Variants in IFT74 observed in about 807,000 individuals in gnomAD.
IFT74 encodes the protein intraflagellar transport protein 74 homolog.
Under a neutral mutation model 96.7 loss-of-function variants are expected in IFT74, and 92 were observed. The observed-to-expected ratio is 0.95, with a 90% CI of 0.80 to 1.13. The LOEUF (loss-of-function observed/expected upper bound fraction) is 1.13, where lower values mean the gene tolerates loss of function less well. Ranked by LOEUF, IFT74 falls within the 50% of genes most tolerant of loss-of-function variation. IFT74 has a pLI of 0.00. For synonymous variants in IFT74, 223 were observed against 213.2 expected, an observed-to-expected ratio of 1.05 and a Z score of -0.40; for missense variants, 811 against 698.2, an observed-to-expected ratio of 1.16 and a Z score of -1.82.
intron 2 of IFT74, among the ~76,000 whole-genome samples, chr9:26,971,776 C>G (rs1826890011): frequency 6.6e-6 from 1 of 151,992 alleles, no homozygotes; most frequent in Non-Finnish European, 1.5e-5. Flanking sequence ...AAGTCTTGGC[C>G]TTTACTATTA....
chr9:26,955,993 T>C (rs1445935687), upstream of IFT74: 1 of 152,228 alleles, frequency 6.6e-6, no homozygotes, highest in Non-Finnish European at 1.5e-5. Context: ...TACTTCATGA[T>C]GCGTTGTGTA....
At chr9:27,001,182 A>G (rs1019740107) in intron 8 of IFT74, among the ~76,000 whole-genome samples, 10 of 151,868 alleles carry the variant, frequency 6.6e-5, no homozygotes, top group Non-Finnish European at 4.4e-5. Context: ...TATATATGCT[A>G]CTTTTTTTTA....
At chr9:26,951,510 G>T (rs1055418801), upstream of IFT74, among the ~76,000 whole-genome samples, 4 of 152,152 alleles carry the variant, frequency 2.6e-5, no homozygotes, top group Non-Finnish European at 4.4e-5. Flanking sequence ...AATTTTACAT[G>T]TACAGATCTT....
chr9:26,978,369 G>A, intron 3 of IFT74, 106 bp downstream of exon 3: 1 of 1,093,822 alleles, frequency 9.1e-7, no homozygotes, highest in South Asian at 1.5e-5. Context: ...TGAACAATAA[G>A]TATTACAGTA....
intron 10 of IFT74, among the ~76,000 whole-genome samples, chr9:27,015,365 C>T (rs1002453894): frequency 1.3e-5 from 2 of 152,098 alleles, no homozygotes; most frequent in Non-Finnish European, 2.9e-5. Context: ...TGGCCAGGCA[C>T]AGTGGCTCAC....
intron 8 of IFT74, chr9:26,998,171 A>G (rs1174717262): frequency 1.3e-6 from 2 of 1,586,840 alleles, no homozygotes; most frequent in Admixed American, 1.7e-5. Context: ...GAGATCAAGT[A>G]TAGTAACATC....
chr9:27,012,835 GC>G (rs1829167634), intron 10 of IFT74, among the ~76,000 whole-genome samples: 1 of 146,868 alleles, frequency 6.8e-6, no homozygotes. Flanking sequence ...TCCTGCCTCA[GC>G]CTCCAGAGTA....
At chr9:26,963,090 C>T (rs1278819897) in intron 2 of IFT74, among the ~76,000 whole-genome samples, 3 of 152,076 alleles carry the variant, frequency 2.0e-5, no homozygotes, top group South Asian at 4.2e-4. Flanking sequence ...GTGTATCTCC[C>T]GATGCTATCC....
rs10967664 is a variant in IFT74, at chr9:27,016,808, G to A, written c.790-99G>A. 2,807 of 783,116 alleles carry A rather than the reference G, an allele frequency of 3.6e-3. 62 individuals are homozygous for A. In the African/African-American group the frequency reaches 0.041, roughly 12 times the overall value. The allele number at this position is 783,116 out of a possible 1,614,324, so 48.5% of individuals were successfully genotyped here. A position where few individuals can be genotyped will look rare whatever the true frequency, so the allele number is the denominator to read the frequency against. On this transcript the variant is annotated intron_variant, in intron 10 of 19. Coordinates refer to ENST00000380062, the MANE Select transcript of IFT74 (RefSeq NM_025103.4). ...TTGCTGTCTGTATTTAAAGATGCTAGTAGTTTAAATTTACCCCCATTCTTA... is the reference window on the plus strand; with the variant it reads ...TTGCTGTCTGTATTTAAAGATGCTAATAGTTTAAATTTACCCCCATTCTTA...
At chr9:27,060,687 G>T in intron 19 of IFT74, 36 bp downstream of exon 19, 1 of 1,496,030 alleles carries the variant, frequency 6.7e-7, no homozygotes. Flanking sequence ...GGCCGGGTGC[G>T]GTGGCTCATG....
intron 8 of IFT74, chr9:26,996,193 G>T: frequency 1.5e-6 from 1 of 675,584 alleles, no homozygotes; most frequent in Non-Finnish European, 2.2e-6. Context: ...TAAATCTTTA[G>T]TTGAGATGAG....
intron 12 of IFT74, 112 bp downstream of exon 12, chr9:27,018,799 T>G: frequency 1.8e-6 from 1 of 560,464 alleles, no homozygotes; most frequent in Non-Finnish European, 3.1e-6. Flanking sequence ...GCTTTAAATA[T>G]TTCTTTGAGT....
chr9:27,044,964 G>A (rs1362676512), intron 14 of IFT74, among the ~76,000 whole-genome samples, 169 bp downstream of exon 14: 1 of 152,162 alleles, frequency 6.6e-6, no homozygotes, highest in African/African-American at 2.4e-5. Flanking sequence ...TTTAGAGATG[G>A]GTAGAAAATT....
chr9:26,999,760 T>A, intron 8 of IFT74: 24 of 957,468 alleles, frequency 2.5e-5, no homozygotes, highest in Non-Finnish European at 3.4e-5. Flanking sequence ...CTCTTTTGAA[T>A]CTGTTTATTC....
At chr9:26,987,438 T>G (rs910007336) in intron 6 of IFT74, among the ~76,000 whole-genome samples, 4 of 151,148 alleles carry the variant, frequency 2.6e-5, no homozygotes, top group Non-Finnish European at 5.9e-5. Context: ...TGAAAGGGAG[T>G]TTTAGTTATG....
intron 8 of IFT74, among the ~76,000 whole-genome samples, chr9:27,006,277 G>C (rs1354396482): frequency 6.6e-6 from 1 of 152,098 alleles, no homozygotes; most frequent in Non-Finnish European, 1.5e-5. Context: ...ATTTATGTTT[G>C]TCCTGATGGT....
At chr9:27,009,555 T>G (rs1036817658) in intron 9 of IFT74, among the ~76,000 whole-genome samples, 2 of 152,142 alleles carry the variant, frequency 1.3e-5, no homozygotes, top group African/African-American at 2.4e-5. Context: ...CTGTAAATAC[T>G]TGCAGTTACA....
intron 2 of IFT74, among the ~76,000 whole-genome samples, chr9:26,967,152 G>A (rs1826661546): frequency 6.7e-6 from 1 of 149,674 alleles, no homozygotes; most frequent in South Asian, 2.1e-4. Flanking sequence ...TTGATATTTT[G>A]ACAAGGATTG....
At chr9:27,048,300 ATT>A (rs1159676304) in intron 16 of IFT74, 26 bp downstream of exon 16, 1 of 1,502,304 alleles carries the variant, frequency 6.7e-7, no homozygotes, top group Non-Finnish European at 9.0e-7. Context: ...AGATTTTAAT[ATT>A]CTTTTTTTTT....
Sources: gnomAD v4.1 joint callset for allele counts (sites outside exome capture counted in the v4.1 genomes callset) on GRCh38, gnomAD v4.1.1 for gene constraint, MANE v1.5 for transcripts, NCBI Gene and HGNC (gene_info 2026-07-23, HGNC 2026-07-21) for gene names.